Variants in IMPG2 observed in about 807,000 individuals in gnomAD.
The protein encoded by IMPG2 is interphotoreceptor matrix proteoglycan 2, also known as IPM 200.
Under a neutral mutation model 129.2 loss-of-function variants are expected in IMPG2, and 91 were observed. That is an observed-to-expected ratio of 0.70 (90% CI 0.59 to 0.84). The LOEUF (loss-of-function observed/expected upper bound fraction) is 0.84. Among genes scored for constraint, IMPG2 ranks in the 40% least tolerant of loss-of-function variants. IMPG2 has a pLI of 0.00. For missense variants in IMPG2, 1,430 were observed against 1,461.7 expected, an observed-to-expected ratio of 0.98 and a Z score of 0.35; for synonymous variants, 510 against 517.7, an observed-to-expected ratio of 0.99 and a Z score of 0.20.
chr3:101,296,912 G>T (rs1019317472), intron 3 of IMPG2, among the ~76,000 whole-genome samples: 1 of 152,090 alleles, frequency 6.6e-6, no homozygotes, highest in African/African-American at 2.4e-5. Flanking sequence ...TGTTGTTGTT[G>T]TTGTTGTTGA....
chr3:101,256,286 T>G (rs1706608391), intron 10 of IMPG2, among the ~76,000 whole-genome samples: 1 of 151,796 alleles, frequency 6.6e-6, no homozygotes, highest in South Asian at 2.1e-4. Flanking sequence ...AAAGTTTTTT[T>G]CTCTCCCTTT....
chr3:101,278,026 G>A (rs1706856378), intron 4 of IMPG2, among the ~76,000 whole-genome samples: 1 of 152,196 alleles, frequency 6.6e-6, no homozygotes, highest in African/African-American at 2.4e-5. Context: ...CTTGAGGCCA[G>A]CAGTTCGAGA....
At position 101,224,170 on chromosome 3, in the gene IMPG2, A is replaced by G. The variant is rs1397163406; in HGVS notation, c.*2799T>C. 6.6e-6 allele frequency: 1 copy of G among 152,082 alleles called. No homozygotes were observed. Among genetic ancestry groups the G allele is most frequent in the Non-Finnish European group, 1.5e-5 (1 of 68,028 alleles). 9.4% of individuals were successfully genotyped at this position (152,082 alleles called of 1,614,324 possible). On this transcript the variant is annotated 3_prime_UTR_variant, in exon 19 of 19. Coordinates refer to ENST00000193391, the MANE Select transcript of IMPG2 (RefSeq NM_016247.4). ...AAATAATAATAGTGATAAAAATGGG[A>G]CTTCAGGCCACATAAACGTGAACAA...
intron 3 of IMPG2, among the ~76,000 whole-genome samples, chr3:101,296,125 T>C (rs1707077563): frequency 6.6e-6 from 1 of 152,226 alleles, no homozygotes; most frequent in South Asian, 2.1e-4. Flanking sequence ...AAAGAAGGCA[T>C]CCTTGTCTTG....
chr3:101,317,839 G>A (rs2058792948), intron 2 of IMPG2, among the ~76,000 whole-genome samples: 1 of 152,008 alleles, frequency 6.6e-6, no homozygotes, highest in African/African-American at 2.4e-5. Flanking sequence ...CAATCAAAAG[G>A]TATGACCAAA....
At position 101,242,722 on chromosome 3, in the gene IMPG2, C is replaced by A; in HGVS notation, c.2988G>T (p.Leu996Phe). The A allele has an allele frequency of 6.2e-7, 1 of 1,613,834 alleles. No homozygotes were observed. Among genetic ancestry groups the A allele is most frequent in the Non-Finnish European group, 8.5e-7 (1 of 1,179,816 alleles). Residue 996 changes from leucine to phenylalanine, a missense_variant, in exon 14 of 19, where the codon TTG becomes TTT. Transcript: ENST00000193391. ...CATCAAGAGAGTATTTATCAATAGC[C>A]AAGTTCATGGTATTGTAGGCAGTGG... ...FCTTAYNTMN[L>F]AIDKYSLDVE...
chr3:101,316,829 C>T (rs2058788098), intron 2 of IMPG2, among the ~76,000 whole-genome samples: 1 of 151,976 alleles, frequency 6.6e-6, no homozygotes, highest in African/African-American at 2.4e-5. Flanking sequence ...TAACTAAAAA[C>T]AACCCAAATA....
Position 101,229,524 on chromosome 3 carries a change from A to T in IMPG2, c.3489T>A (p.Tyr1163Ter). 6.2e-7 allele frequency: 1 copy of T among 1,614,006 alleles called. No homozygotes were observed. The highest frequency in any genetic ancestry group is 8.5e-7 in the Non-Finnish European group (1 of 1,180,030). The change falls in exon 17 of 19, where the codon TAT (tyrosine) becomes TAA (stop). Residue 1163 changes from tyrosine to a stop codon, truncating the protein, a stop_gained. Coordinates refer to ENST00000193391, the MANE Select transcript of IMPG2 (RefSeq NM_016247.4). LOFTEE classifies it high-confidence loss of function. Reference protein sequence around the residue: ...IENAVKYNPVYESHRAGCEKY... With the variant: ...IENAVKYNPV ...TCTCACATCCAGCCCTGTGACTTTCATACACGGGGTTGTACTTCACAGCAT... is the reference window on the plus strand; with the variant it reads ...TCTCACATCCAGCCCTGTGACTTTCTTACACGGGGTTGTACTTCACAGCAT...
In IMPG2 at chr3:101,257,599, T is replaced by C; in HGVS notation, c.1083A>G (p.Thr361=). 1 of 1,613,258 alleles carries C rather than the reference T, an allele frequency of 6.2e-7. No individual in the cohort carries two copies. The highest frequency in any genetic ancestry group is 8.5e-7 in the Non-Finnish European group (1 of 1,179,394). ...TCCCCAGCAAAAAATTCTGCTGCAA[T>C]GTCTCAGCAATATAATCTCTGAAGT... ...ISNFRDYIAE[T]LQQNFLLGNS... is the part of the protein sequence containing the mutation. The change falls in exon 10 of 19, where the codon ACA becomes ACG. Residue 361 remains threonine, a synonymous_variant. Coordinates refer to ENST00000193391, the MANE Select transcript of IMPG2 (RefSeq NM_016247.4).
At chr3:101,243,150 T>G (rs1453418015) in intron 13 of IMPG2, among the ~76,000 whole-genome samples, 1 of 152,218 alleles carries the variant, frequency 6.6e-6, no homozygotes, top group African/African-American at 2.4e-5. Context: ...CATACATAGT[T>G]TTAGACACTC....
chr3:101,261,902 A>G (rs769930193), intron 9 of IMPG2, among the ~76,000 whole-genome samples: 1 of 152,166 alleles, frequency 6.6e-6, no homozygotes, highest in Non-Finnish European at 1.5e-5. Context: ...AGCAACTCCA[A>G]GTTAACTAAC....
chr3:101,230,397 G>C (rs1706272961), intron 16 of IMPG2, among the ~76,000 whole-genome samples: 1 of 152,290 alleles, frequency 6.6e-6, no homozygotes, highest in East Asian at 1.9e-4. Flanking sequence ...CCCTTACCTA[G>C]ATTTAAATTC....
chr3:101,245,695 CT>C, intron 12 of IMPG2, 106 bp downstream of exon 12: 1 of 1,028,626 alleles, frequency 9.7e-7, no homozygotes, highest in Non-Finnish European at 1.5e-6. Flanking sequence ...CATTTTCCCC[CT>C]AATGAATGCT....
intron 9 of IMPG2, among the ~76,000 whole-genome samples, chr3:101,263,687 A>T (rs1488998830): frequency 6.6e-6 from 1 of 151,986 alleles, no homozygotes; most frequent in African/African-American, 2.4e-5. Flanking sequence ...TAGCAGCAGG[A>T]AAGAAATAAT....
rs569094089 is a variant in IMPG2, at chr3:101,249,864, G to A, written c.1240-3759C>T. Among the ~76,000 whole-genome samples, 15 of 150,870 alleles carry A rather than the reference G, an allele frequency of 9.9e-5. No homozygotes were observed. In the South Asian group the frequency reaches 1.5e-3, roughly 15 times the overall value. On this transcript the variant is annotated intron_variant, in intron 11 of 18. Transcript: ENST00000193391. ...CTTTTCTAGTAAACTTTAGGAGCAC[G>A]CAAGTCTGGGAAACAGAGTAAGACT...
chr3:101,287,256 CAA>C (rs1357019600), intron 4 of IMPG2, among the ~76,000 whole-genome samples: 1 of 151,968 alleles, frequency 6.6e-6, no homozygotes, highest in African/African-American at 2.4e-5. Context: ...CTGAATCAAT[CAA>C]AAGAGTCTCA....
In IMPG2 at chr3:101,257,717, G is replaced by T. The variant is rs1450344393; in HGVS notation, c.965C>A (p.Thr322Asn). Residue 322 changes from threonine to asparagine, a missense_variant, in exon 10 of 19, where the codon ACC (threonine) becomes AAC (asparagine). Coordinates refer to ENST00000193391, the MANE Select transcript of IMPG2 (RefSeq NM_016247.4). ...GGAGTGAAGGCTAATGAGGTCCCAG[G>T]TGGTATTGCTGATGGCCTCACCATT... ...TFNGEAISNT[T>N]WDLISLHSNK... The T allele has an allele frequency of 5.0e-6, 8 of 1,613,266 alleles. No individual in the cohort carries two copies. Among genetic ancestry groups the T allele is most frequent in the East Asian group, 2.2e-5 (1 of 44,866 alleles).
intron 11 of IMPG2, among the ~76,000 whole-genome samples, chr3:101,248,177 T>C (rs951424099): frequency 5.9e-5 from 9 of 152,162 alleles, no homozygotes; most frequent in Admixed American, 1.3e-4. Flanking sequence ...TTCCACGTGT[T>C]GTGGGAGGGA....
Position 101,244,209 on chromosome 3 carries a change from C to T in IMPG2, c.2122G>A (p.Glu708Lys). 6.2e-7 allele frequency: 1 copy of T among 1,613,982 alleles called. No homozygotes were observed. The highest frequency in any genetic ancestry group is 8.5e-7 in the Non-Finnish European group (1 of 1,179,986). The change falls in exon 13 of 19, where the codon GAA becomes AAA. Residue 708 changes from glutamate (E) to lysine (K), a missense_variant. Coordinates refer to ENST00000193391, the MANE Select transcript of IMPG2 (RefSeq NM_016247.4). ...ASLTLPKHIS[E>K]VPGVDDYSVT... The stretch of plus-strand genomic sequence containing the variant: ...GAGTAATCATCAACACCAGGTACTT[C>T]TGATATGTGCTTGGGGAGGGTTAGA...
Sources: gnomAD v4.1 joint callset for allele counts (sites outside exome capture counted in the v4.1 genomes callset) on GRCh38, gnomAD v4.1.1 for gene constraint, MANE v1.5 for transcripts, NCBI Gene and HGNC (gene_info 2026-07-23, HGNC 2026-07-21) for gene names.